The following POC1B variants were observed in gnomAD, a reference collection of about 807,000 sequenced individuals.
The protein encoded by POC1B is POC1 centriolar protein B, also known as POC1 centriolar protein homolog B.
A neutral mutation model predicts 60.6 loss-of-function variants in POC1B; 44 were observed. The observed-to-expected ratio is 0.73, with a 90% CI of 0.57 to 0.93. The LOEUF (loss-of-function observed/expected upper bound fraction) is 0.93, where lower values mean the gene tolerates loss of function less well. Ranked by LOEUF, POC1B falls within the 40% of genes least tolerant of loss-of-function variation. The pLI, the probability that POC1B is intolerant of heterozygous loss-of-function variation, is 0.00. For missense variants in POC1B, 555 were observed against 572.3 expected, an observed-to-expected ratio of 0.97 and a Z score of 0.31; for synonymous variants, 180 against 198.9, an observed-to-expected ratio of 0.90 and a Z score of 0.80.
chr12:89,404,921 TC>T, the POC1B span, among the ~76,000 whole-genome samples: 2 of 152,132 alleles, frequency 1.3e-5, no homozygotes, highest in Non-Finnish European at 2.9e-5. Flanking sequence ...CACCGCCCCC[TC>T]TAAGTTTCTG....
intron 4 of POC1B, among the ~76,000 whole-genome samples, chr12:89,489,048 C>T (rs1868800887): frequency 2.0e-5 from 3 of 152,146 alleles, no homozygotes; most frequent in African/African-American, 7.2e-5. Context: ...AAATGATCAG[C>T]CTCTTGGGAC....
intron 1 of POC1B, chr12:89,525,657 C>T (rs895064969): frequency 4.1e-5 from 52 of 1,268,584 alleles, no homozygotes; most frequent in Non-Finnish European, 5.0e-5. Flanking sequence ...TCCGGAGCTC[C>T]GGAACTCGGG....
rs150423200 is a variant in POC1B at position 89,500,844 on chromosome 12, C to T, written c.101-3502G>A. On this transcript the variant is annotated intron_variant, in intron 2 of 11. Transcript: ENST00000313546. Reference sequence around the variant, plus strand: ...ATCAGGATCATCTCAGAATAGAATACGACATTCAGAATATGAAATTCAATG... The same window carrying T: ...ATCAGGATCATCTCAGAATAGAATATGACATTCAGAATATGAAATTCAATG... 4.6e-3 allele frequency: 4,818 copies of T among 1,045,888 alleles called. 17 individuals carry two copies. Among genetic ancestry groups the T allele is most frequent in the Admixed American group, 7.4e-3 (336 of 45,634 alleles). The allele number at this position is 1,045,888 out of a possible 1,614,324, so 64.8% of individuals were successfully genotyped here.
chr12:89,490,245 CTA>C, intron 4 of POC1B, among the ~76,000 whole-genome samples: 1 of 152,308 alleles, frequency 6.6e-6, no homozygotes, highest in Non-Finnish European at 1.5e-5. Flanking sequence ...CTAGGTGAGT[CTA>C]ACTTCACCTC....
At chr12:89,445,049 G>C (rs1030423655) in intron 10 of POC1B, among the ~76,000 whole-genome samples, 1 of 152,082 alleles carries the variant, frequency 6.6e-6, no homozygotes, top group Non-Finnish European at 1.5e-5. Flanking sequence ...CAACTTACAA[G>C]GGGTGTGAAG....
chr12:89,438,320 G>A (rs879677474), intron 10 of POC1B, among the ~76,000 whole-genome samples: 22 of 152,044 alleles, frequency 1.4e-4, no homozygotes, highest in Non-Finnish European at 2.5e-4. Context: ...AGCTGGGTGC[G>A]GTGGCGGGCA....
chr12:89,486,395 A>AG (rs1454572335), intron 4 of POC1B, among the ~76,000 whole-genome samples: 2 of 152,132 alleles, frequency 1.3e-5, no homozygotes. Flanking sequence ...GGGTGGAAGC[A>AG]GGGGGCGTCC....
intron 10 of POC1B, among the ~76,000 whole-genome samples, chr12:89,437,166 T>TC (rs1881305098): frequency 6.6e-6 from 1 of 152,126 alleles, no homozygotes; most frequent in Non-Finnish European, 1.5e-5. Flanking sequence ...TACAATAGCC[T>TC]CCTAATCCTC....
intron 8 of POC1B, 93 bp from the exon 9 acceptor site, chr12:89,467,015 C>T (rs1276124255): frequency 3.0e-6 from 3 of 1,005,956 alleles, no homozygotes; most frequent in East Asian, 5.3e-5. Flanking sequence ...GAATTGTCTC[C>T]CAAAGTAGGA....
rs1388930904 is a variant in POC1B at position 89,514,180 on chromosome 12, TAGTG to T, written c.100+10936_100+10939del. ...GAATTCCCCCTTGCCGTTCTCGTGA[TAGTG>T]AGTGAGTTCTCACAAGATCTGGTTG... On this transcript the variant is annotated intron_variant, in intron 2 of 11. Transcript: ENST00000313546. 2.6e-5 allele frequency among the ~76,000 whole-genome samples: 4 copies of T among 152,072 alleles called. No homozygotes were observed. The East Asian group carries it at 7.7e-4, about 29-fold the overall frequency.
chr12:89,450,883 T>C (rs1318913844), intron 10 of POC1B, among the ~76,000 whole-genome samples: 4 of 152,154 alleles, frequency 2.6e-5, no homozygotes, highest in Non-Finnish European at 5.9e-5. Flanking sequence ...AAAAACAAAG[T>C]ACAGCCATTA....
intron 10 of POC1B, chr12:89,429,052 T>C (rs1259201056): frequency 6.6e-6 from 1 of 152,204 alleles, no homozygotes; most frequent in Non-Finnish European, 1.5e-5. Flanking sequence ...TCTGGAGGTT[T>C]GCAGTCAAGG....
chr12:89,497,564 T>C (rs1405952020), intron 2 of POC1B, among the ~76,000 whole-genome samples: 1 of 152,208 alleles, frequency 6.6e-6, no homozygotes, highest in Non-Finnish European at 1.5e-5. Context: ...CACAGCAGGA[T>C]GACTGGCCCC....
downstream of POC1B, among the ~76,000 whole-genome samples, chr12:89,415,189 A>G (rs1880343216): frequency 6.6e-6 from 1 of 152,202 alleles, no homozygotes; most frequent in African/African-American, 2.4e-5. Flanking sequence ...TTATATAATC[A>G]TTCTTTTTGT....
intron 2 of POC1B, among the ~76,000 whole-genome samples, chr12:89,518,632 C>T (rs1156595724): frequency 6.6e-6 from 1 of 152,142 alleles, no homozygotes; most frequent in African/African-American, 2.4e-5. Context: ...CCCCTACCCC[C>T]TGCCACCTGC....
At chr12:89,492,680 C>T (rs906913633) in intron 3 of POC1B, among the ~76,000 whole-genome samples, 3 of 152,186 alleles carry the variant, frequency 2.0e-5, no homozygotes, top group Non-Finnish European at 4.4e-5. Flanking sequence ...TGCACCTCAT[C>T]CTGTATTTTG....
At chr12:89,500,671 G>A in intron 2 of POC1B, 2 of 1,544,662 alleles carry the variant, frequency 1.3e-6, no homozygotes, top group Admixed American at 1.7e-5. Context: ...TAAATATGCT[G>A]CCTTCAAGTA....
At chr12:89,487,828 G>A (rs1028271631) in intron 4 of POC1B, among the ~76,000 whole-genome samples, 2 of 152,042 alleles carry the variant, frequency 1.3e-5, no homozygotes, top group Admixed American at 6.6e-5. Flanking sequence ...GGACTGAAAC[G>A]GCTTTCTTGA....
the POC1B span, among the ~76,000 whole-genome samples, chr12:89,410,417 C>A: frequency 6.6e-6 from 1 of 152,302 alleles, no homozygotes; most frequent in Non-Finnish European, 1.5e-5. Context: ...CGGTGGCTCA[C>A]ACCTGTAATC....
Sources: allele counts gnomAD v4.1 joint callset (sites outside exome capture counted in the v4.1 genomes callset), GRCh38; gene constraint gnomAD v4.1.1; transcripts MANE v1.5; gene names NCBI Gene and HGNC (gene_info 2026-07-23, HGNC 2026-07-21).